CSNK1E: variants seen among roughly 807,000 people sequenced by gnomAD.
CSNK1E encodes casein kinase I isoform epsilon.
Under a neutral mutation model 46.1 loss-of-function variants are expected in CSNK1E, and 17 were observed. The observed-to-expected ratio is 0.37, with a 90% CI of 0.25 to 0.55. CSNK1E has a LOEUF of 0.55. CSNK1E is among the 20% of genes least tolerant of loss of function. CSNK1E has a pLI of 0.82. For synonymous variants in CSNK1E, 241 were observed against 242.6 expected (o/e 0.99, Z 0.06); for missense variants, 386 against 595.4 (o/e 0.65, Z 3.66).
chr22:38,311,757 T>C (rs534074880), intron 2 of CSNK1E, among the ~76,000 whole-genome samples: 82 of 151,984 alleles, frequency 5.4e-4, no homozygotes, highest in African/African-American at 1.9e-3. Flanking sequence ...AGGAACACGC[T>C]GGGGATCTGA....
rs2092732221 is a variant in CSNK1E at position 38,313,940 on chromosome 22, C to G, written c.76+142G>C. Reference sequence around the variant, plus strand: ...CTGCCTCCCGGCAACCTGCTGCTTCCTTCCCCATCTGGGATGGCCCTGGGG... The same window carrying G: ...CTGCCTCCCGGCAACCTGCTGCTTCGTTCCCCATCTGGGATGGCCCTGGGG... On this transcript the variant is annotated intron_variant, in intron 2 of 10. Coordinates refer to ENST00000396832, the MANE Select transcript of CSNK1E (RefSeq NM_152221.3). The G allele has an allele frequency of 4.1e-6, 3 of 734,290 alleles. No homozygotes were observed. The South Asian group carries it at 5.2e-5, about 13-fold the overall frequency. 45.5% of individuals were successfully genotyped at this position (734,290 alleles called of 1,614,324 possible).
chr22:38,308,648 C>A (rs1186732189), intron 2 of CSNK1E, among the ~76,000 whole-genome samples: 1 of 152,026 alleles, frequency 6.6e-6, no homozygotes, highest in Non-Finnish European at 1.5e-5. Context: ...TGATGTTCGG[C>A]TTGGTGGGAA....
At chr22:38,311,133 G>A (rs2092719037) in intron 2 of CSNK1E, among the ~76,000 whole-genome samples, 1 of 152,162 alleles carries the variant, frequency 6.6e-6, no homozygotes, top group Non-Finnish European at 1.5e-5. Flanking sequence ...AAGACCAATG[G>A]TGGGGGCGCA....
At position 38,317,195 on chromosome 22, in the gene CSNK1E, G is replaced by T. The variant is rs937546085; in HGVS notation, c.-48C>A. ...AGGCGCCGATGCCGGGCCACTGCTC[G>T]GGGGGCTGCCGCGGGCGGGGGCGGC... On this transcript the variant is annotated 5_prime_UTR_variant, in exon 1 of 11. Transcript: ENST00000396832. 7 of 150,836 alleles carry T rather than the reference G, an allele frequency of 4.6e-5. No homozygotes were observed. Among genetic ancestry groups the T allele is most frequent in the South Asian group, 1.8e-4 (1 of 5,410 alleles). 9.3% of individuals were successfully genotyped at this position (150,836 alleles called of 1,614,324 possible).
chr22:38,292,912 G>C, intron 10 of CSNK1E: 1 of 328,576 alleles, frequency 3.0e-6, no homozygotes, highest in Non-Finnish European at 5.8e-6. Flanking sequence ...AATGCCGTGG[G>C]AGAGGTCAGA....
rs1255352053 is a variant in CSNK1E, at chr22:38,302,848, G to A, written c.336+13C>T. 3 of 1,613,766 alleles carry A rather than the reference G, an allele frequency of 1.9e-6. No individual in the cohort carries two copies. Among genetic ancestry groups the A allele is most frequent in the African/African-American group, 1.3e-5 (1 of 74,940 alleles). On this transcript the variant is annotated intron_variant, in intron 4 of 10. Coordinates refer to ENST00000396832, the MANE Select transcript of CSNK1E (RefSeq NM_152221.3). ...CAGGCATCTGGCTGGGGATGGAGGG[G>A]ACGGGGACTCACCATCTGGTCGGCC...
At chr22:38,297,486 A>G (rs896595857) in intron 7 of CSNK1E, 2 of 835,454 alleles carry the variant, frequency 2.4e-6, no homozygotes, top group African/African-American at 1.8e-5. Flanking sequence ...AGAAACCCAG[A>G]GAGAAGAGAA....
rs930963164 is a variant in CSNK1E, at chr22:38,298,085, G to A, written c.885+701C>T. ...ATTTTGGAAAAGCCAGACCTCAGAG[G>A]ATCCTTACCAGTACGTGGGTGAGTA... On this transcript the variant is annotated intron_variant, in intron 7 of 10. Transcript: ENST00000396832. This position sits in a 1 kb window ranked among gnomAD's most constrained non-coding sequence, Gnocchi z 4.2. 1.7e-6 allele frequency: 2 copies of A among 1,197,322 alleles called. No individual in the cohort carries two copies. Among genetic ancestry groups the A allele is most frequent in the Non-Finnish European group, 2.1e-6 (2 of 935,168 alleles). 74.2% of individuals were successfully genotyped at this position (1,197,322 alleles called of 1,614,324 possible).
Position 38,293,275 on chromosome 22 carries a change from TG to T in CSNK1E, c.*11del. On this transcript the variant is annotated 3_prime_UTR_variant, in exon 10 of 11. Coordinates refer to ENST00000396832, the MANE Select transcript of CSNK1E (RefSeq NM_152221.3). ...CTCACCTAAGCAAACACTGGTCCAATGGGGGCTCTCCTCACTTCCCGAGATG... is the reference window on the plus strand; with the variant it reads ...CTCACCTAAGCAAACACTGGTCCAATGGGGCTCTCCTCACTTCCCGAGATG... 6.2e-7 allele frequency: 1 copy of T among 1,611,766 alleles called. No homozygotes were observed. The highest frequency in any genetic ancestry group is 8.5e-7 in the Non-Finnish European group (1 of 1,179,112).
In CSNK1E at chr22:38,298,400, C is replaced by T. The variant is rs369102895; in HGVS notation, c.885+386G>A. On this transcript the variant is annotated intron_variant, in intron 7 of 10. Transcript: ENST00000396832. This position sits in a 1 kb window ranked among gnomAD's most constrained non-coding sequence, Gnocchi z 4.2. Reference sequence around the variant, plus strand: ...CACCATGACTGGGTCCAGGCTGGCCCGAGGGGCCATGGTGCAGGTAGCCAC... The same window carrying T: ...CACCATGACTGGGTCCAGGCTGGCCTGAGGGGCCATGGTGCAGGTAGCCAC... Among the ~76,000 whole-genome samples, 1 of 152,066 alleles carries T rather than the reference C, an allele frequency of 6.6e-6. No individual in the cohort carries two copies. The highest frequency in any genetic ancestry group is 2.4e-5 in the African/African-American group (1 of 41,400).
chr22:38,317,190 T>G lies in CSNK1E; in HGVS notation c.-43A>C, dbSNP rs1264824143. 1.3e-5 allele frequency: 2 copies of G among 150,484 alleles called. No homozygotes were observed. The highest frequency in any genetic ancestry group is 4.9e-5 in the African/African-American group (2 of 40,982). The allele number at this position is 150,484 out of a possible 1,614,324, so 9.3% of individuals were successfully genotyped here. On this transcript the variant is annotated 5_prime_UTR_variant, in exon 1 of 11. Transcript: ENST00000396832. ...CGGGAAGGCGCCGATGCCGGGCCAC[T>G]GCTCGGGGGGCTGCCGCGGGCGGGG...
intron 2 of CSNK1E, among the ~76,000 whole-genome samples, chr22:38,312,680 T>TA (rs2092726267): frequency 6.6e-6 from 1 of 152,176 alleles, no homozygotes; most frequent in Non-Finnish European, 1.5e-5. Flanking sequence ...GCTGGCACTT[T>TA]AGAGTTTACA....
chr22:38,308,706 A>G (rs1602559123), intron 2 of CSNK1E, among the ~76,000 whole-genome samples: 1 of 151,758 alleles, frequency 6.6e-6, no homozygotes, highest in Admixed American at 6.6e-5. Context: ...CAGTGGGAGG[A>G]GGGGAAGAGG....
chr22:38,316,438 G>C (rs1162603596), intron 1 of CSNK1E, among the ~76,000 whole-genome samples: 1 of 152,062 alleles, frequency 6.6e-6, no homozygotes, highest in African/African-American at 2.4e-5. Flanking sequence ...GAAAACTAAG[G>C]GAAAAGTTGG....
Position 38,294,732 on chromosome 22 carries a change from AG to A in CSNK1E, c.886-199del, listed in dbSNP as rs1433501395. On this transcript the variant is annotated intron_variant, in intron 7 of 10. Transcript: ENST00000396832. The surrounding 1 kb of genome is among the most constrained non-coding windows in gnomAD (Gnocchi z 5.5). ...AGACACGAAGCCACACAACCACCAG[AG>A]GAAGGAGAAAGCAGGAGTCTGGGGG... Among the ~76,000 whole-genome samples the A allele has an allele frequency of 6.6e-6, 1 of 152,120 alleles. No individual in the cohort carries two copies. Among genetic ancestry groups the A allele is most frequent in the Non-Finnish European group, 1.5e-5 (1 of 68,010 alleles).
rs1169211381 is a variant in CSNK1E, at chr22:38,303,121, GC to G, written c.187+16del. ...CGCCACCCACCCGGCGCCCGCCGCC[GC>G]CCACCCTGCGCTCACCGCCACCCTG... is the stretch of plus-strand genomic sequence containing the variant. On this transcript the variant is annotated intron_variant, in intron 3 of 10. Coordinates refer to ENST00000396832, the MANE Select transcript of CSNK1E (RefSeq NM_152221.3). The surrounding 1 kb of genome is among the most constrained non-coding windows in gnomAD (Gnocchi z 4.7). 7.2e-6 allele frequency: 8 copies of G among 1,117,376 alleles called. No individual in the cohort carries two copies. The highest frequency in any genetic ancestry group is 1.0e-5 in the Non-Finnish European group (8 of 780,822). 69.2% of individuals were successfully genotyped at this position (1,117,376 alleles called of 1,614,324 possible).
At chr22:38,297,821 C>T (rs760992228) in intron 7 of CSNK1E, 2 of 1,004,954 alleles carry the variant, frequency 2.0e-6, no homozygotes, top group East Asian at 2.2e-4. Flanking sequence ...GGGGGTCATC[C>T]CATCCTCCCA....
intron 7 of CSNK1E, chr22:38,297,202 C>G (rs767411340): frequency 1.3e-6 from 1 of 770,384 alleles, no homozygotes; most frequent in Non-Finnish European, 2.4e-6. Flanking sequence ...AGCTGGAGGG[C>G]CAAGCCCATC....
In CSNK1E at chr22:38,300,567, C is replaced by G. The variant is rs553071674; in HGVS notation, c.565+157G>C. On this transcript the variant is annotated intron_variant, in intron 5 of 10. Transcript: ENST00000396832. The surrounding 1 kb of genome is among the most constrained non-coding windows in gnomAD (Gnocchi z 4.4). ...GGGAAGACCCGACTGTGCAAGGACA[C>G]GGAATAAGCACGAGCTTGGGGGCAG... Among the ~76,000 whole-genome samples, 1 of 152,174 alleles carries G rather than the reference C, an allele frequency of 6.6e-6. No individual in the cohort carries two copies. Among genetic ancestry groups the G allele is most frequent in the Non-Finnish European group, 1.5e-5 (1 of 68,028 alleles).
Sources: allele counts gnomAD v4.1 joint callset (sites outside exome capture counted in the v4.1 genomes callset), GRCh38; gene constraint gnomAD v4.1.1; non-coding constraint Gnocchi (gnomAD v3.1); transcripts MANE v1.5; gene names NCBI Gene and HGNC (gene_info 2026-07-23, HGNC 2026-07-21).